RNF19A: variants seen among roughly 807,000 people sequenced by gnomAD.
RNF19A encodes the protein E3 ubiquitin-protein ligase RNF19A.
RNF19A carries 32 observed loss-of-function variants against 75.7 expected under a neutral mutation model. The ratio of observed to expected loss-of-function variants is 0.42; its 90% confidence interval spans 0.32 to 0.57. The LOEUF (loss-of-function observed/expected upper bound fraction) is 0.57, where lower values mean the gene tolerates loss of function less well. Ranked by LOEUF, RNF19A falls within the 20% of genes least tolerant of loss-of-function variation. RNF19A has a pLI of 0.10. For missense variants in RNF19A, 782 were observed against 1,036.3 expected (o/e 0.75, Z 3.37); for synonymous variants, 335 against 345.2 (o/e 0.97, Z 0.33).
chr8:100,259,109 T>G lies in RNF19A; in HGVS notation c.1964A>C (p.Glu655Ala). 6.2e-7 allele frequency: 1 copy of G among 1,614,180 alleles called. No homozygotes were observed. Among genetic ancestry groups the G allele is most frequent in the Non-Finnish European group, 8.5e-7 (1 of 1,180,022 alleles). Residue 655 changes from glutamate (E) to alanine (A), a missense_variant, in exon 10 of 10, where the codon GAA becomes GCA. Transcript: ENST00000341084. The surrounding 1 kb of genome is among the most constrained non-coding windows in gnomAD (Gnocchi z 4.5). ...HAGGSSSGLP[E>A]GKSSATKWSK... ...CCACTTGGTGGCACTAGATTTACCT[T>G]CAGGCAAGCCACTGGATGAACCGCC...
intron 1 of RNF19A, among the ~76,000 whole-genome samples, chr8:100,315,074 C>G (rs912739454): frequency 2.6e-5 from 4 of 152,132 alleles, no homozygotes; most frequent in Non-Finnish European, 5.9e-5. Context: ...CTTTGGGAGG[C>G]TGAGGCAAGC....
Position 100,325,847 on chromosome 8 carries a change from C to T in RNF19A, c.-243+10261G>A, listed in dbSNP as rs1006842458. On this transcript the variant is annotated intron_variant, in intron 1 of 3. Transcript: ENST00000519527. The surrounding 1 kb of genome is among the most constrained non-coding windows in gnomAD (Gnocchi z 4.3). ...TATAACACGTCAAGCAAGACTTTAA[C>T]TCATTTTCTTCCTTCTCTCCTCTTT... is the stretch of plus-strand genomic sequence containing the variant. 6.6e-6 allele frequency among the ~76,000 whole-genome samples: 1 copy of T among 152,124 alleles called. No homozygotes were observed. Among genetic ancestry groups the T allele is most frequent in the African/African-American group, 2.4e-5 (1 of 41,424 alleles).
intron 1 of RNF19A, among the ~76,000 whole-genome samples, chr8:100,327,603 C>A (rs920908042): frequency 6.6e-6 from 1 of 152,162 alleles, no homozygotes; most frequent in African/African-American, 2.4e-5. Flanking sequence ...AAACTCTCTC[C>A]TATAGGTGAT....
In RNF19A at chr8:100,325,766, T is replaced by TAC. The variant is rs58005786; in HGVS notation, c.-243+10340_-243+10341dup. ...TATGTATTTATGTGTGAGTATGTAT[T>TAC]ACACACACACACACACATTTATATC... On this transcript the variant is annotated intron_variant, in intron 1 of 3. Coordinates refer to the RNF19A transcript ENST00000519527. The surrounding 1 kb of genome is among the most constrained non-coding windows in gnomAD (Gnocchi z 4.3). 0.32 allele frequency among the ~76,000 whole-genome samples: 48,608 copies of TAC among 151,212 alleles called. 8,444 individuals are homozygous for TAC. Among genetic ancestry groups the TAC allele is most frequent in the East Asian group, 0.41 (2,092 of 5,138 alleles).
chr8:100,294,066 A>G (rs1563858298), intron 1 of RNF19A, among the ~76,000 whole-genome samples: 1 of 152,210 alleles, frequency 6.6e-6, no homozygotes. Flanking sequence ...TAATTCTGCT[A>G]ATTGCAGAGT....
At chr8:100,302,499 C>T (rs570216860) in intron 1 of RNF19A, among the ~76,000 whole-genome samples, 1 of 152,210 alleles carries the variant, frequency 6.6e-6, no homozygotes, top group South Asian at 2.1e-4. Flanking sequence ...ATCTCTTATA[C>T]CTAGGTGGAG....
In RNF19A at chr8:100,324,828, C is replaced by T. The variant is rs1788209; in HGVS notation, c.-243+11280G>A. Among the ~76,000 whole-genome samples, 66,122 of 148,632 alleles carry T rather than the reference C, an allele frequency of 0.44. 15,392 individuals are homozygous for T. Among genetic ancestry groups the T allele is most frequent in the African/African-American group, 0.61 (25,096 of 40,858 alleles). On this transcript the variant is annotated intron_variant, in intron 1 of 3. Transcript: ENST00000519527. This position sits in a 1 kb window ranked among gnomAD's most constrained non-coding sequence, Gnocchi z 4.2. ...TTTCTTCTTCCTTCCTTCCTTCCTT[C>T]CTCCTTCTTCCTCCCTCCCTCCCTC...
chr8:100,297,639 G>GT (rs1333802771), intron 1 of RNF19A, among the ~76,000 whole-genome samples: 1 of 152,188 alleles, frequency 6.6e-6, no homozygotes, highest in Non-Finnish European at 1.5e-5. Flanking sequence ...AGTAATTCTA[G>GT]TGAGGCAGAA....
Position 100,264,540 on chromosome 8 carries a change from C to T in RNF19A, c.1306+131G>A. The T allele has an allele frequency of 1.5e-6, 1 of 663,116 alleles. No homozygotes were observed. Among genetic ancestry groups the T allele is most frequent in the Non-Finnish European group, 2.6e-6 (1 of 387,470 alleles). 41.1% of individuals were successfully genotyped at this position (663,116 alleles called of 1,614,324 possible). A position where few individuals can be genotyped will look rare whatever the true frequency, so the allele number is the denominator to read the frequency against. The stretch of plus-strand genomic sequence containing the variant: ...AGGCTAGGCTCTTGAATCTGTAATA[C>T]TTTCAACCAAGACTTACTGCAGGCT... On this transcript the variant is annotated intron_variant, in intron 6 of 9. Coordinates refer to ENST00000341084, the MANE Select transcript of RNF19A (RefSeq NM_183419.4). The surrounding 1 kb of genome is among the most constrained non-coding windows in gnomAD (Gnocchi z 4.7).
chr8:100,320,340 CAT>C (rs1325819069), intron 1 of RNF19A, among the ~76,000 whole-genome samples: 1 of 152,178 alleles, frequency 6.6e-6, no homozygotes, highest in East Asian at 1.9e-4. Flanking sequence ...CATGTTGATA[CAT>C]GGAAATTTAG....
rs997691303 is a variant in RNF19A, at chr8:100,325,216, T to C, written c.-243+10892A>G. Among the ~76,000 whole-genome samples the C allele has an allele frequency of 1.4e-4, 22 of 152,320 alleles. No homozygotes were observed. Among genetic ancestry groups the C allele is most frequent in the African/African-American group, 5.3e-4 (22 of 41,572 alleles). On this transcript the variant is annotated intron_variant, in intron 1 of 3. Transcript: ENST00000519527. This position sits in a 1 kb window ranked among gnomAD's most constrained non-coding sequence, Gnocchi z 4.3. ...AGCCACTGCGCCCAGCTTAAAAGCA[T>C]CGATTTTTAATAGAAAATCCTAGAA...
At chr8:100,299,669 G>A (rs2919468) in intron 1 of RNF19A, among the ~76,000 whole-genome samples, 2 of 152,226 alleles carry the variant, frequency 1.3e-5, no homozygotes, top group Admixed American at 6.5e-5. Flanking sequence ...TGAGGCAGAA[G>A]AATTGCTTGA....
chr8:100,336,041 G>A (rs1488176162), intron 1 of RNF19A: 1 of 152,246 alleles, frequency 6.6e-6, no homozygotes, highest in African/African-American at 2.4e-5. Context: ...GGGAGCTAAA[G>A]GGATATACAG....
intron 3 of RNF19A, among the ~76,000 whole-genome samples, chr8:100,270,337 T>G (rs951067084): frequency 6.6e-6 from 1 of 152,136 alleles, no homozygotes; most frequent in Non-Finnish European, 1.5e-5. Flanking sequence ...GTCTTTGTCC[T>G]GGTCCCATAG....
chr8:100,258,496 T>C lies in RNF19A; in HGVS notation c.*60A>G, dbSNP rs1037008777. 27 of 1,354,750 alleles carry C rather than the reference T, an allele frequency of 2.0e-5. No homozygotes were observed. The African/African-American group carries it at 3.9e-4, about 20-fold the overall frequency. The allele number at this position is 1,354,750 out of a possible 1,614,324, so 83.9% of individuals were successfully genotyped here. A position where few individuals can be genotyped will look rare whatever the true frequency, so the allele number is the denominator to read the frequency against. The stretch of plus-strand genomic sequence containing the variant: ...AACCTGAAACTTAAGTAGTCACATG[T>C]AGTTCAACCAGCTCCAAACACGGTT... On this transcript the variant is annotated 3_prime_UTR_variant, in exon 10 of 10. Coordinates refer to ENST00000341084, the MANE Select transcript of RNF19A (RefSeq NM_183419.4). This position sits in a 1 kb window ranked among gnomAD's most constrained non-coding sequence, Gnocchi z 4.3.
chr8:100,292,999 G>A (rs990343203), intron 1 of RNF19A, among the ~76,000 whole-genome samples: 1 of 152,172 alleles, frequency 6.6e-6, no homozygotes, highest in African/African-American at 2.4e-5. Context: ...TGGGAGCAAG[G>A]ATGGTTTCAT....
At chr8:100,306,198 T>G (rs1191504686) in intron 1 of RNF19A, among the ~76,000 whole-genome samples, 2 of 152,170 alleles carry the variant, frequency 1.3e-5, no homozygotes, top group Non-Finnish European at 2.9e-5. Flanking sequence ...CAACTCCAGT[T>G]TTTTGAACCA....
In RNF19A at chr8:100,287,815, A is replaced by C. The variant is rs1393051272; in HGVS notation, c.360T>G (p.Thr120=). The C allele has an allele frequency of 1.2e-6, 2 of 1,614,060 alleles. No homozygotes were observed. The highest frequency in any genetic ancestry group is 1.7e-5 in the Admixed American group (1 of 60,010). ...STNTSSDNGL[T]SISKQIGDFI... The stretch of plus-strand genomic sequence containing the variant: ...AGTCTCCAATTTGTTTGCTGATGGA[A>C]GTTAATCCATTGTCAGAAGAGGTAT... The change falls in exon 2 of 10, where the codon ACT becomes ACG. Residue 120 remains threonine (T), a synonymous_variant. Transcript: ENST00000341084. This position sits in a 1 kb window ranked among gnomAD's most constrained non-coding sequence, Gnocchi z 4.1.
rs576713448 is a variant in RNF19A, at chr8:100,316,011, C to T, written c.-242-2639G>A. On this transcript the variant is annotated intron_variant, in intron 1 of 3. Coordinates refer to the RNF19A transcript ENST00000519527. ...TCAAGAATGAAGCCGTGGACCCTTGCGGTGAGTGTTACAGCTTTTAAGGTG... is the reference window on the plus strand; with the variant it reads ...TCAAGAATGAAGCCGTGGACCCTTGTGGTGAGTGTTACAGCTTTTAAGGTG... Among the ~76,000 whole-genome samples the T allele has an allele frequency of 3.3e-5, 5 of 152,258 alleles. 1 individual carries two copies. The highest frequency in any genetic ancestry group is 4.2e-4 in the South Asian group (2 of 4,818).
Sources: allele counts gnomAD v4.1 joint callset (sites outside exome capture counted in the v4.1 genomes callset), GRCh38; gene constraint gnomAD v4.1.1; non-coding constraint Gnocchi (gnomAD v3.1); transcripts MANE v1.5; gene names NCBI Gene and HGNC (gene_info 2026-07-23, HGNC 2026-07-21).